PDE4B: variants seen among roughly 807,000 people sequenced by gnomAD.
PDE4B encodes the protein 3',5'-cyclic-AMP phosphodiesterase 4B.
Under a neutral mutation model 82.2 loss-of-function variants are expected in PDE4B, and 20 were observed. The ratio of observed to expected loss-of-function variants is 0.24; its 90% confidence interval spans 0.17 to 0.35. The LOEUF is 0.35. Among genes scored for constraint, PDE4B ranks in the 10% least tolerant of loss-of-function variants. PDE4B has a pLI of 1.00. For missense variants in PDE4B, 655 were observed against 907.2 expected (o/e 0.72, Z 3.57); for synonymous variants, 320 against 318.9 (o/e 1.00, Z -0.04).
intron 3 of PDE4B, among the ~76,000 whole-genome samples, chr1:66,059,599 T>C (rs1450894441): frequency 6.6e-6 from 1 of 152,144 alleles, no homozygotes; most frequent in Non-Finnish European, 1.5e-5. Context: ...GGCAGAGAGC[T>C]TGTGCAGGGA....
In PDE4B at chr1:66,189,478, C is replaced by T. The variant is rs1004254155; in HGVS notation, c.282-57982C>T. ...GTCACTTTCAGGTACACCAATCAGA[C>T]GTAGATTTGGCCTTTTCACATAGTC... On this transcript the variant is annotated intron_variant, in intron 3 of 16. Transcript: ENST00000341517. 8.5e-5 allele frequency among the ~76,000 whole-genome samples: 13 copies of T among 152,296 alleles called. No homozygotes were observed. In the East Asian group the frequency reaches 9.6e-4, roughly 11 times the overall value.
At chr1:66,151,179 TG>T (rs1157091021) in intron 3 of PDE4B, among the ~76,000 whole-genome samples, 1 of 152,216 alleles carries the variant, frequency 6.6e-6, no homozygotes, top group Non-Finnish European at 1.5e-5. Flanking sequence ...TTTTCATTGT[TG>T]GGTGTTTCGT....
At chr1:66,173,149 G>A (rs565423868) in intron 3 of PDE4B, among the ~76,000 whole-genome samples, 17 of 152,272 alleles carry the variant, frequency 1.1e-4, no homozygotes, top group East Asian at 3.9e-4. Flanking sequence ...ATAAGTAAAC[G>A]AAAATCAGAA....
chr1:66,186,981 G>A (rs1232416468), intron 3 of PDE4B, among the ~76,000 whole-genome samples: 7 of 151,944 alleles, frequency 4.6e-5, no homozygotes, highest in Non-Finnish European at 8.8e-5. Flanking sequence ...TGTCATAGAT[G>A]GCTCTTATTA....
At chr1:66,297,035 T>C (rs1465120455) in intron 7 of PDE4B, among the ~76,000 whole-genome samples, 1 of 152,184 alleles carries the variant, frequency 6.6e-6, no homozygotes, top group Non-Finnish European at 1.5e-5. Context: ...TACAGTTCTG[T>C]TTTTGAGTCA....
At chr1:65,884,248 G>A (rs891110122) in intron 1 of PDE4B, among the ~76,000 whole-genome samples, 2 of 152,110 alleles carry the variant, frequency 1.3e-5, no homozygotes, top group African/African-American at 4.8e-5. Flanking sequence ...GCTCCTCCTT[G>A]TACCTCTGGT....
intron 3 of PDE4B, among the ~76,000 whole-genome samples, chr1:65,955,624 A>T (rs920165465): frequency 6.6e-6 from 1 of 152,124 alleles, no homozygotes; most frequent in Non-Finnish European, 1.5e-5. Flanking sequence ...CTGGTACGTC[A>T]TCTTGCTTCC....
At chr1:65,940,135 G>A (rs1210300969) in intron 3 of PDE4B, among the ~76,000 whole-genome samples, 1 of 152,154 alleles carries the variant, frequency 6.6e-6, no homozygotes, top group Non-Finnish European at 1.5e-5. Context: ...TCCAAGAGAG[G>A]TGATGTTTGA....
chr1:65,954,759 C>A (rs1649173630), intron 3 of PDE4B, among the ~76,000 whole-genome samples: 1 of 151,994 alleles, frequency 6.6e-6, no homozygotes, highest in African/African-American at 2.4e-5. Flanking sequence ...TAAGAATGAC[C>A]AGTCTGCAGG....
chr1:66,176,019 T>A (rs1223629182), intron 3 of PDE4B, among the ~76,000 whole-genome samples: 3 of 152,246 alleles, frequency 2.0e-5, no homozygotes, highest in African/African-American at 7.2e-5. Flanking sequence ...AGCTATTTAG[T>A]ACTTAGAAGC....
At chr1:66,220,319 T>C (rs1650869957) in intron 3 of PDE4B, among the ~76,000 whole-genome samples, 1 of 152,164 alleles carries the variant, frequency 6.6e-6, no homozygotes, top group South Asian at 2.1e-4. Context: ...TTCTTTAAGC[T>C]TCACCTCCCT....
chr1:66,006,410 G>A (rs1652153323), intron 3 of PDE4B, among the ~76,000 whole-genome samples: 1 of 152,132 alleles, frequency 6.6e-6, no homozygotes, highest in Non-Finnish European at 1.5e-5. Flanking sequence ...TAGTCATTTG[G>A]CATGTCAAAT....
At chr1:66,244,245 T>C (rs1653120184) in intron 3 of PDE4B, among the ~76,000 whole-genome samples, 1 of 152,040 alleles carries the variant, frequency 6.6e-6, no homozygotes, top group African/African-American at 2.4e-5. Flanking sequence ...GGAGAAAAAA[T>C]ATTCAGAAGA....
chr1:66,312,225 A>C (rs949974525), intron 7 of PDE4B, among the ~76,000 whole-genome samples: 2 of 152,182 alleles, frequency 1.3e-5, no homozygotes, highest in African/African-American at 2.4e-5. Context: ...GGGTTTCTCC[A>C]GAATGTTTAG....
chr1:65,953,847 A>G (rs1320174317), intron 3 of PDE4B, among the ~76,000 whole-genome samples: 2 of 152,072 alleles, frequency 1.3e-5, no homozygotes, highest in African/African-American at 4.8e-5. Context: ...GAATGACTCA[A>G]TAATATTTGG....
intron 3 of PDE4B, among the ~76,000 whole-genome samples, chr1:65,973,745 A>G (rs999771880): frequency 6.6e-6 from 1 of 152,178 alleles, no homozygotes. Context: ...TAAATCTTAA[A>G]GAATTCTAAT....
At chr1:66,095,264 C>T (rs113769076) in intron 3 of PDE4B, among the ~76,000 whole-genome samples, 4,368 of 151,944 alleles carry the variant, frequency 0.029, 233 homozygotes, top group African/African-American at 0.099. Flanking sequence ...GAGCAAATAA[C>T]TTATTTAAGT....
chr1:66,009,939 A>G lies in PDE4B; in HGVS notation c.281+91104A>G, dbSNP rs553810719. Among the ~76,000 whole-genome samples the G allele has an allele frequency of 4.1e-3, 607 of 147,544 alleles. 7 individuals carry two copies. Among genetic ancestry groups the G allele is most frequent in the African/African-American group, 0.015 (557 of 37,908 alleles). Reference sequence around the variant, plus strand: ...TATCTATCTATCTATCTATCTATCTATCTATCTATCTATCATCTATCTATC... The same window carrying G: ...TATCTATCTATCTATCTATCTATCTGTCTATCTATCTATCATCTATCTATC... On this transcript the variant is annotated intron_variant, in intron 3 of 16. Coordinates refer to ENST00000341517, the MANE Select transcript of PDE4B (RefSeq NM_002600.4).
chr1:66,162,305 C>CTTTTTTT lies in PDE4B; in HGVS notation c.282-85133_282-85127dup, dbSNP rs1168144080. 7.3e-3 allele frequency among the ~76,000 whole-genome samples: 293 copies of CTTTTTTT among 40,248 alleles called. 45 individuals are homozygous for CTTTTTTT. Among genetic ancestry groups the CTTTTTTT allele is most frequent in the Non-Finnish European group, 8.7e-3 (197 of 22,592 alleles). 26.4% of individuals were successfully genotyped at this position (40,248 alleles called of 152,430 possible). ...TTGGTGGTAAGGTTCATGGACTTCT[C>CTTTTTTT]TTTTTTTTTTTTTTTTTTTTTTTTT... is the stretch of plus-strand genomic sequence containing the variant. On this transcript the variant is annotated intron_variant, in intron 3 of 16. Transcript: ENST00000341517.
Sources: allele counts gnomAD v4.1 joint callset (sites outside exome capture counted in the v4.1 genomes callset), GRCh38; gene constraint gnomAD v4.1.1; transcripts MANE v1.5; gene names NCBI Gene and HGNC (gene_info 2026-07-23, HGNC 2026-07-21).